Variants in SFRP4 observed in about 807,000 individuals in gnomAD.
SFRP4 encodes the protein secreted frizzled-related protein 4.
SFRP4 carries 25 observed loss-of-function variants against 36.3 expected under a neutral mutation model. The observed-to-expected ratio is 0.69, with a 90% confidence interval of 0.50 to 0.96. The LOEUF is 0.96. Ranked by LOEUF, SFRP4 falls within the 40% of genes least tolerant of loss-of-function variation. The pLI, the probability that SFRP4 is intolerant of heterozygous loss-of-function variation, is 0.00. For synonymous variants in SFRP4, 182 were observed against 168.8 expected (o/e 1.08, Z -0.60); for missense variants, 487 against 459.6 (o/e 1.06, Z -0.54).
In SFRP4 at chr7:37,907,438, TGTAAGGAAGTCGGAA is replaced by T; in HGVS notation, c.*26_*40del. On this transcript the variant is annotated 3_prime_UTR_variant, in exon 6 of 6. Coordinates refer to ENST00000436072, the MANE Select transcript of SFRP4 (RefSeq NM_003014.4). ...TCCCAGGCAATGCCCAGCCTCATCCTGTAAGGAAGTCGGAAGTCTCCGCTTTGGAAACTAGTTAGC... is the reference window on the plus strand; with the variant it reads ...TCCCAGGCAATGCCCAGCCTCATCCTGTCTCCGCTTTGGAAACTAGTTAGC... 6.4e-7 allele frequency: 1 copy of T among 1,573,918 alleles called. No homozygotes were observed. The highest frequency in any genetic ancestry group is 1.2e-5 in the South Asian group (1 of 85,866).
chr7:37,907,681 AAAC>A lies in SFRP4; in HGVS notation c.856-20_856-18del. 1 of 1,585,686 alleles carries A rather than the reference AAAC, an allele frequency of 6.3e-7. No homozygotes were observed. The highest frequency in any genetic ancestry group is 8.6e-7 in the Non-Finnish European group (1 of 1,163,406). ...TTCCCACTGCTGAAAAGCAATTTGTAAACATGACTGTCAAATTATCTCACCCCT... is the reference window on the plus strand; with the variant it reads ...TTCCCACTGCTGAAAAGCAATTTGTAATGACTGTCAAATTATCTCACCCCT... On this transcript the variant is annotated intron_variant, in intron 5 of 5. Transcript: ENST00000436072.
intron 5 of SFRP4, among the ~76,000 whole-genome samples, chr7:37,908,792 A>T (rs1028236724): frequency 5.3e-5 from 8 of 152,186 alleles, no homozygotes; most frequent in African/African-American, 1.9e-4. Flanking sequence ...TTAACACAAT[A>T]GTGTTTGGTT....
intron 5 of SFRP4, among the ~76,000 whole-genome samples, chr7:37,908,466 C>T (rs1310546207): frequency 6.6e-6 from 1 of 152,212 alleles, no homozygotes; most frequent in African/African-American, 2.4e-5. Context: ...ACATTGTCCC[C>T]ACTGTGCTAT....
At chr7:37,908,445 A>C (rs2060711) in intron 5 of SFRP4, among the ~76,000 whole-genome samples, 2 of 152,198 alleles carry the variant, frequency 1.3e-5, no homozygotes, top group Admixed American at 6.5e-5. Flanking sequence ...AGGAATGCAA[A>C]GAAAAGAAAA....
Position 37,914,360 on chromosome 7 carries a change from A to G in SFRP4, c.526+13T>C, listed in dbSNP as rs768946277. On this transcript the variant is annotated intron_variant, in intron 2 of 5. Coordinates refer to ENST00000436072, the MANE Select transcript of SFRP4 (RefSeq NM_003014.4). ...GGAGAAGTAGAGGGAACGTCCATGA[A>G]GAAAGAACTCACCGGGGCTTAGGCG... 6.2e-7 allele frequency: 1 copy of G among 1,612,568 alleles called. No homozygotes were observed. Among genetic ancestry groups the G allele is most frequent in the Admixed American group, 1.7e-5 (1 of 60,030 alleles).
At position 37,915,067 on chromosome 7, in the gene SFRP4, T is replaced by C. The variant is rs183978934; in HGVS notation, c.446-614A>G. ...CCAAACTGGATAAATCACATCACTC[T>C]CTCCCAAAGTCATATTTAAATGTTG... is the stretch of plus-strand genomic sequence containing the variant. On this transcript the variant is annotated intron_variant, in intron 1 of 5. Coordinates refer to ENST00000436072, the MANE Select transcript of SFRP4 (RefSeq NM_003014.4). Among the ~76,000 whole-genome samples, 12 of 152,278 alleles carry C rather than the reference T, an allele frequency of 7.9e-5. No homozygotes were observed. In the East Asian group the frequency reaches 2.3e-3, roughly 29 times the overall value.
Position 37,916,363 on chromosome 7 carries a change from C to A in SFRP4, c.175G>T (p.Glu59Ter). The A allele has an allele frequency of 6.2e-7, 1 of 1,614,214 alleles. No homozygotes were observed. Among genetic ancestry groups the A allele is most frequent in the Non-Finnish European group, 8.5e-7 (1 of 1,180,034 alleles). ...ACGTCCACCAGCTCCTCGTACTGCT[C>A]GATGGCCAGGATGGCGTTCTCCTGC... ...STQENAILAI[E>*]QYEELVDVNC... The change falls in exon 1 of 6, where the codon GAG (glutamate) becomes TAG (stop). Residue 59 changes from glutamate to a stop codon, truncating the protein, a stop_gained. Transcript: ENST00000436072. LOFTEE classifies it high-confidence loss of function. This position sits in a 1 kb window ranked among gnomAD's most constrained non-coding sequence, Gnocchi z 4.1.
At position 37,916,119 on chromosome 7, in the gene SFRP4, T is replaced by G; in HGVS notation, c.419A>C (p.Glu140Ala). The stretch of plus-strand genomic sequence containing the variant: ...CTCCGGGAGGTCCGTGACGATGGCT[T>G]CAGGCGAGATGCACACGCCACGGTC... ...VYDRGVCISP[E>A]AIVTDLPEDV... Residue 140 changes from glutamate (E) to alanine (A), a missense_variant, in exon 1 of 6, where the codon GAA (glutamate) becomes GCA (alanine). Transcript: ENST00000436072. This position sits in a 1 kb window ranked among gnomAD's most constrained non-coding sequence, Gnocchi z 4.1. 1 of 1,613,738 alleles carries G rather than the reference T, an allele frequency of 6.2e-7. No homozygotes were observed. Among genetic ancestry groups the G allele is most frequent in the Non-Finnish European group, 8.5e-7 (1 of 1,179,890 alleles).
chr7:37,912,099 T>C lies in SFRP4; in HGVS notation c.791+20A>G, dbSNP rs1201185570. ...TTCCTAACAGTGTGCATACAGTTCCTTCTGCCTCTTTGTGCCTACCTTGAG... is the reference window on the plus strand; with the variant it reads ...TTCCTAACAGTGTGCATACAGTTCCCTCTGCCTCTTTGTGCCTACCTTGAG... On this transcript the variant is annotated intron_variant, in intron 4 of 5. Transcript: ENST00000436072. 2 of 1,596,116 alleles carry C rather than the reference T, an allele frequency of 1.3e-6. No homozygotes were observed. The highest frequency in any genetic ancestry group is 8.6e-7 in the Non-Finnish European group (1 of 1,163,688).
chr7:37,916,553 C>T lies in SFRP4; in HGVS notation c.-16G>A. The T allele has an allele frequency of 6.3e-7, 1 of 1,594,156 alleles. No homozygotes were observed. On this transcript the variant is annotated 5_prime_UTR_variant, in exon 1 of 6. Transcript: ENST00000436072. This position sits in a 1 kb window ranked among gnomAD's most constrained non-coding sequence, Gnocchi z 4.1. Reference sequence around the variant, plus strand: ...AGAGGAACATGGCACTGCCCTCTCGCGCTGCGACCCCGGCAGACAGAAAGC... The same window carrying T: ...AGAGGAACATGGCACTGCCCTCTCGTGCTGCGACCCCGGCAGACAGAAAGC...
At chr7:37,912,455 G>C in intron 3 of SFRP4, 138 bp from the exon 4 acceptor site, 1 of 659,946 alleles carries the variant, frequency 1.5e-6, no homozygotes, top group Non-Finnish European at 2.6e-6. Flanking sequence ...CCTGAGTGCA[G>C]GCAAACAGCC....
rs762703116 is a variant in SFRP4 at position 37,907,604 on chromosome 7, C to T, written c.916G>A (p.Gly306Arg). ...GGGGGATTACTACGACTGGTGCGCC[C>T]GGCTGTTTTCTTCTTGTCCTGAACT... ...RTVQDKKKTA[G>R]RTSRSNPPKP... The change falls in exon 6 of 6, where the codon GGG becomes AGG. Residue 306 changes from glycine to arginine, a missense_variant. Coordinates refer to ENST00000436072, the MANE Select transcript of SFRP4 (RefSeq NM_003014.4). 15 of 1,613,716 alleles carry T rather than the reference C, an allele frequency of 9.3e-6. No individual in the cohort carries two copies. Among genetic ancestry groups the T allele is most frequent in the African/African-American group, 2.7e-5 (2 of 74,888 alleles).
In SFRP4 at chr7:37,907,677, T is replaced by G; in HGVS notation, c.856-13A>C. 2.5e-6 allele frequency: 4 copies of G among 1,594,582 alleles called. No homozygotes were observed. Among genetic ancestry groups the G allele is most frequent in the Non-Finnish European group, 3.4e-6 (4 of 1,169,788 alleles). Reference sequence around the variant, plus strand: ...TCTCTTCCCACTGCTGAAAAGCAATTTGTAAACATGACTGTCAAATTATCT... The same window carrying G: ...TCTCTTCCCACTGCTGAAAAGCAATGTGTAAACATGACTGTCAAATTATCT... On this transcript the variant is annotated splice_polypyrimidine_tract_variant and intron_variant, in intron 5 of 5. Transcript: ENST00000436072.
chr7:37,912,078 T>A (rs1479275483), intron 4 of SFRP4, 41 bp downstream of exon 4: 1 of 1,480,800 alleles, frequency 6.8e-7, no homozygotes. Context: ...GAGGTCTTCC[T>A]AACAGTGTGC....
chr7:37,916,093 C>G lies in SFRP4; in HGVS notation c.445G>C (p.Asp149His), dbSNP rs1230116365. The change falls in exon 1 of 6, where the codon GAT (aspartate) becomes CAT (histidine). Residue 149 changes from aspartate (D) to histidine (H), a missense_variant and splice_region_variant. Coordinates refer to ENST00000436072, the MANE Select transcript of SFRP4 (RefSeq NM_003014.4). The surrounding 1 kb of genome is among the most constrained non-coding windows in gnomAD (Gnocchi z 4.1). ...CCCTCCATCCTTCCTACGGCCTCAC[C>G]CTCCGGGAGGTCCGTGACGATGGCT... is the stretch of plus-strand genomic sequence containing the variant. ...PEAIVTDLPE[D>H]VKWIDITPDM... 1.2e-6 allele frequency: 2 copies of G among 1,610,256 alleles called. No individual in the cohort carries two copies. Among genetic ancestry groups the G allele is most frequent in the Admixed American group, 3.3e-5 (2 of 59,948 alleles).
chr7:37,907,941 C>T (rs1372064683), intron 5 of SFRP4, among the ~76,000 whole-genome samples: 1 of 152,150 alleles, frequency 6.6e-6, no homozygotes, highest in Non-Finnish European at 1.5e-5. Flanking sequence ...AGGTTATTTG[C>T]AGTGCACAGA....
At position 37,916,811 on chromosome 7, in the gene SFRP4, C is replaced by T. The variant is rs1244179774; in HGVS notation, c.-274G>A. 7.5e-6 allele frequency: 4 copies of T among 532,702 alleles called. No individual in the cohort carries two copies. Among genetic ancestry groups the T allele is most frequent in the East Asian group, 6.3e-5 (2 of 31,594 alleles). The allele number at this position is 532,702 out of a possible 1,614,324, so 33.0% of individuals were successfully genotyped here. On this transcript the variant is annotated 5_prime_UTR_variant, in exon 1 of 6. Transcript: ENST00000436072. This position sits in a 1 kb window ranked among gnomAD's most constrained non-coding sequence, Gnocchi z 4.1. ...CAGTCCCGGACTCCGCAGCTCGGAG[C>T]GCAGCCAGCCACGGCCATTGCGGGA... is the stretch of plus-strand genomic sequence containing the variant.
chr7:37,909,509 G>A (rs1273111272), intron 5 of SFRP4, 108 bp downstream of exon 5: 8 of 594,650 alleles, frequency 1.3e-5, no homozygotes, highest in Non-Finnish European at 5.8e-6. Context: ...GCTATTGCTG[G>A]CTCTTATGAG....
intron 5 of SFRP4, 146 bp from the exon 6 acceptor site, chr7:37,907,810 A>G (rs1023505204): frequency 3.4e-6 from 2 of 592,522 alleles, no homozygotes; most frequent in Non-Finnish European, 5.8e-6. Flanking sequence ...AGCACTTATC[A>G]TGTACCAGGT....
Sources: allele counts gnomAD v4.1 joint callset (sites outside exome capture counted in the v4.1 genomes callset), GRCh38; gene constraint gnomAD v4.1.1; non-coding constraint Gnocchi (gnomAD v3.1); transcripts MANE v1.5; gene names NCBI Gene and HGNC (gene_info 2026-07-23, HGNC 2026-07-21).